Variants in GNA12 observed in about 807,000 individuals in gnomAD.
GNA12 encodes the protein guanine nucleotide-binding protein subunit alpha-12.
A neutral mutation model predicts 26.0 loss-of-function variants in GNA12; 9 were observed. That is an observed-to-expected ratio of 0.35 (90% CI 0.21 to 0.60). The LOEUF (loss-of-function observed/expected upper bound fraction) is 0.60, where lower values mean the gene tolerates loss of function less well. Among genes scored for constraint, GNA12 ranks in the 20% least tolerant of loss-of-function variants. GNA12 has a pLI of 0.78. For missense variants in GNA12, 405 were observed against 525.8 expected (o/e 0.77, Z 2.25); for synonymous variants, 264 against 219.6 (o/e 1.20, Z -1.79).
intron 2 of GNA12, among the ~76,000 whole-genome samples, chr7:2,793,688 G>C (rs1792577320): frequency 6.6e-6 from 1 of 151,992 alleles, no homozygotes; most frequent in African/African-American, 2.4e-5. Flanking sequence ...TTCGAGACCA[G>C]CCTGGCCAAC....
At chr7:2,774,434 G>A (rs118071436) in intron 2 of GNA12, among the ~76,000 whole-genome samples, 2 of 152,180 alleles carry the variant, frequency 1.3e-5, no homozygotes, top group East Asian at 1.9e-4. Flanking sequence ...AGATAAAGGA[G>A]GAAGTGCATT....
intron 2 of GNA12, among the ~76,000 whole-genome samples, chr7:2,745,162 C>G (rs1340735687): frequency 2.6e-5 from 4 of 152,182 alleles, no homozygotes; most frequent in Non-Finnish European, 5.9e-5. Flanking sequence ...TCAGGAAATA[C>G]AGAGAACACC....
intron 2 of GNA12, among the ~76,000 whole-genome samples, chr7:2,782,505 C>T (rs1792255132): frequency 6.6e-6 from 1 of 152,156 alleles, no homozygotes; most frequent in Non-Finnish European, 1.5e-5. Flanking sequence ...GATATCATTC[C>T]ACTCTTTCTG....
chr7:2,820,031 AT>A (rs1339977488), intron 1 of GNA12, among the ~76,000 whole-genome samples: 1 of 152,254 alleles, frequency 6.6e-6, no homozygotes, highest in East Asian at 1.9e-4. Flanking sequence ...AGGGAATGCT[AT>A]TCGGCCGCTT....
chr7:2,752,359 C>T (rs1041146785), intron 2 of GNA12, among the ~76,000 whole-genome samples: 1 of 152,172 alleles, frequency 6.6e-6, no homozygotes, highest in South Asian at 2.1e-4. Flanking sequence ...CCACTGAGTA[C>T]TTTCACCCTA....
chr7:2,734,992 C>A (rs1376687920), intron 2 of GNA12, among the ~76,000 whole-genome samples: 1 of 152,212 alleles, frequency 6.6e-6, no homozygotes, highest in African/African-American at 2.4e-5. Flanking sequence ...GGGAAGCCAG[C>A]GTGAGGCCGG....
At chr7:2,806,780 G>A (rs1728699025) in intron 1 of GNA12, among the ~76,000 whole-genome samples, 1 of 152,168 alleles carries the variant, frequency 6.6e-6, no homozygotes, top group South Asian at 2.1e-4. Context: ...TAAGATTGAG[G>A]TAATCCCTAT....
intron 1 of GNA12, among the ~76,000 whole-genome samples, chr7:2,827,399 C>T (rs1793509912): frequency 6.6e-6 from 1 of 152,090 alleles, no homozygotes; most frequent in Non-Finnish European, 1.5e-5. Context: ...AATTTTACCT[C>T]GATTATTTTA....
chr7:2,813,760 A>T (rs551128287), intron 1 of GNA12, among the ~76,000 whole-genome samples: 1 of 152,204 alleles, frequency 6.6e-6, no homozygotes, highest in East Asian at 1.9e-4. Flanking sequence ...ATCTGCAAAG[A>T]CCCCTTGTCC....
chr7:2,754,817 T>C lies in GNA12; in HGVS notation c.526-21316A>G, dbSNP rs145574220. Reference sequence around the variant, plus strand: ...AACAAAAATGACCGTTTCTCAAAATTTGATTTCAACGGATCACTAGGGCGT... The same window carrying C: ...AACAAAAATGACCGTTTCTCAAAATCTGATTTCAACGGATCACTAGGGCGT... On this transcript the variant is annotated intron_variant, in intron 2 of 3. Coordinates refer to ENST00000275364, the MANE Select transcript of GNA12 (RefSeq NM_007353.3). 2.1e-3 allele frequency among the ~76,000 whole-genome samples: 322 copies of C among 152,292 alleles called. 1 individual carries two copies. Among genetic ancestry groups the C allele is most frequent in the African/African-American group, 7.6e-3 (314 of 41,572 alleles).
chr7:2,816,052 C>T (rs540365956), intron 1 of GNA12, among the ~76,000 whole-genome samples: 1 of 152,216 alleles, frequency 6.6e-6, no homozygotes, highest in South Asian at 2.1e-4. Context: ...CTGGCCGCCG[C>T]GCACGGAGGC....
At chr7:2,842,538 T>G (rs1358819674) in intron 1 of GNA12, among the ~76,000 whole-genome samples, 3 of 152,156 alleles carry the variant, frequency 2.0e-5, no homozygotes, top group Non-Finnish European at 4.4e-5. Context: ...CCTCAAGTGA[T>G]CCTCCTGCCT....
intron 2 of GNA12, among the ~76,000 whole-genome samples, chr7:2,743,884 G>A (rs1790631781): frequency 6.6e-6 from 1 of 152,112 alleles, no homozygotes; most frequent in African/African-American, 2.4e-5. Flanking sequence ...CCCGCACCTG[G>A]CTCGGAGGGT....
chr7:2,789,423 C>G (rs1792460517), intron 2 of GNA12, among the ~76,000 whole-genome samples: 1 of 151,908 alleles, frequency 6.6e-6, no homozygotes, highest in South Asian at 2.1e-4. Flanking sequence ...GCGTGAGCCA[C>G]CGCGCCCGGC....
At chr7:2,838,135 T>C (rs184223414) in intron 1 of GNA12, among the ~76,000 whole-genome samples, 1 of 151,306 alleles carries the variant, frequency 6.6e-6, no homozygotes, top group Non-Finnish European at 1.5e-5. Context: ...TACAAAGCAT[T>C]ATACTTAAAA....
At chr7:2,737,274 G>GTTTTTTTTTA (rs1790243746) in intron 2 of GNA12, among the ~76,000 whole-genome samples, 1 of 35,032 alleles carries the variant, frequency 2.9e-5, no homozygotes, top group African/African-American at 9.9e-5. Flanking sequence ...GTTTTGTTTT[G>GTTTTTTTTTA]TTTTTTTTTT....
intron 1 of GNA12, among the ~76,000 whole-genome samples, chr7:2,800,700 C>T (rs998754515): frequency 1.3e-5 from 2 of 152,178 alleles, no homozygotes; most frequent in African/African-American, 2.4e-5. Context: ...TTGCTAAAAC[C>T]CTAACTGGAG....
intron 2 of GNA12, among the ~76,000 whole-genome samples, chr7:2,780,671 T>G (rs1481485283): frequency 1.3e-5 from 2 of 152,210 alleles, no homozygotes; most frequent in Admixed American, 6.5e-5. Flanking sequence ...CTTTTGTGTC[T>G]GGTATCTTTG....
At chr7:2,795,628 A>C (rs1792645830) in intron 1 of GNA12, among the ~76,000 whole-genome samples, 1 of 60,068 alleles carries the variant, frequency 1.7e-5, no homozygotes, top group Admixed American at 1.8e-4. Context: ...ACCCTGTTTC[A>C]AAAAAAAAAA....
Sources: gnomAD v4.1 joint callset for allele counts (sites outside exome capture counted in the v4.1 genomes callset) on GRCh38, gnomAD v4.1.1 for gene constraint, MANE v1.5 for transcripts, NCBI Gene and HGNC (gene_info 2026-07-23, HGNC 2026-07-21) for gene names.